GPC5: variants seen among roughly 807,000 people sequenced by gnomAD.
GPC5 encodes glypican 5, also known as glypican-5.
Under a neutral mutation model 53.9 loss-of-function variants are expected in GPC5, and 47 were observed. That is an observed-to-expected ratio of 0.87 (90% CI 0.69 to 1.11). The LOEUF is 1.11. Ranked by LOEUF, GPC5 falls within the 50% of genes most tolerant of loss-of-function variation. The pLI, the probability that GPC5 is intolerant of heterozygous loss-of-function variation, is 0.00. For missense variants in GPC5, 748 were observed against 713.1 expected, an observed-to-expected ratio of 1.05 and a Z score of -0.56; for synonymous variants, 286 against 263.3, an observed-to-expected ratio of 1.09 and a Z score of -0.84.
intron 7 of GPC5, among the ~76,000 whole-genome samples, chr13:92,414,504 C>CAA (rs368737499): frequency 5.8e-4 from 70 of 120,448 alleles, no homozygotes; most frequent in African/African-American, 9.6e-4. Context: ...GACTCTGTCT[C>CAA]AAAAAAAAAA....
chr13:92,630,507 A>T (rs1466698743), intron 7 of GPC5, among the ~76,000 whole-genome samples: 1 of 152,128 alleles, frequency 6.6e-6, no homozygotes, highest in East Asian at 1.9e-4. Flanking sequence ...TTAAGAAAAT[A>T]CTTTCTGACA....
chr13:91,460,055 G>C (rs544942880), intron 2 of GPC5, among the ~76,000 whole-genome samples: 1 of 152,056 alleles, frequency 6.6e-6, no homozygotes, highest in Admixed American at 6.6e-5. Context: ...TGAGAAATTT[G>C]TTTTCACTTT....
intron 7 of GPC5, among the ~76,000 whole-genome samples, chr13:92,571,355 C>A (rs940867382): frequency 6.6e-6 from 1 of 152,120 alleles, no homozygotes; most frequent in Non-Finnish European, 1.5e-5. Context: ...ATGACTTGAA[C>A]AGGATGACAC....
At chr13:92,487,348 A>G (rs955821686) in intron 7 of GPC5, among the ~76,000 whole-genome samples, 14 of 152,300 alleles carry the variant, frequency 9.2e-5, no homozygotes, top group African/African-American at 3.1e-4. Flanking sequence ...ATGGAGCCCT[A>G]TACAACTGTC....
chr13:92,338,330 G>C (rs1257709351), intron 7 of GPC5, among the ~76,000 whole-genome samples: 1 of 152,102 alleles, frequency 6.6e-6, no homozygotes, highest in Non-Finnish European at 1.5e-5. Context: ...AATAATTGTT[G>C]CTGGGAATGC....
chr13:92,301,384 A>G (rs1456303401), intron 7 of GPC5, among the ~76,000 whole-genome samples: 1 of 152,202 alleles, frequency 6.6e-6, no homozygotes, highest in Non-Finnish European at 1.5e-5. Flanking sequence ...TGTAGATGAT[A>G]CTGATGTGTA....
At chr13:92,348,550 G>A (rs1004326412) in intron 7 of GPC5, among the ~76,000 whole-genome samples, 11 of 151,842 alleles carry the variant, frequency 7.2e-5, no homozygotes, top group Admixed American at 2.6e-4. Flanking sequence ...AGAAAACATC[G>A]ACATGAACAA....
intron 7 of GPC5, among the ~76,000 whole-genome samples, chr13:92,547,452 G>A (rs1882158568): frequency 6.6e-6 from 1 of 152,136 alleles, no homozygotes. Context: ...TTAGTCACTG[G>A]AGGCAGATGT....
intron 7 of GPC5, among the ~76,000 whole-genome samples, chr13:92,663,854 CACTATATA>C (rs1312269946): frequency 3.2e-4 from 24 of 75,310 alleles, no homozygotes; most frequent in African/African-American, 1.2e-3. Context: ...TACACACACA[CACTATATA>C]TATATATATA....
chr13:92,060,383 A>G (rs1470407690), intron 6 of GPC5, among the ~76,000 whole-genome samples: 5 of 152,096 alleles, frequency 3.3e-5, no homozygotes, highest in Admixed American at 3.3e-4. Context: ...ATTTTTCCTC[A>G]TATAACCATA....
Position 92,060,171 on chromosome 13 carries a change from A to G in GPC5, c.1402-84659A>G, listed in dbSNP as rs551417347. Among the ~76,000 whole-genome samples, 13 of 152,002 alleles carry G rather than the reference A, an allele frequency of 8.6e-5. 1 individual carries two copies. Among genetic ancestry groups the G allele is most frequent in the Admixed American group, 7.2e-4 (11 of 15,280 alleles). ...TTATTTATTGCTCTTTAAAAGCATC[A>G]AAGTCCTATACAAAGAAGCTTGCGG... On this transcript the variant is annotated intron_variant, in intron 6 of 7. Coordinates refer to ENST00000377067, the MANE Select transcript of GPC5 (RefSeq NM_004466.6).
intron 7 of GPC5, among the ~76,000 whole-genome samples, chr13:92,834,382 T>A (rs1378587079): frequency 6.6e-6 from 1 of 152,140 alleles, no homozygotes; most frequent in Admixed American, 6.5e-5. Flanking sequence ...CCAATGGGTA[T>A]TGTTACACAA....
chr13:92,563,070 C>G (rs1424168717), intron 7 of GPC5, among the ~76,000 whole-genome samples: 2 of 151,914 alleles, frequency 1.3e-5, no homozygotes, highest in Non-Finnish European at 2.9e-5. Flanking sequence ...GGGCAGGTAC[C>G]AATCAATATC....
At chr13:91,543,189 C>T (rs983854621) in intron 2 of GPC5, among the ~76,000 whole-genome samples, 2 of 151,886 alleles carry the variant, frequency 1.3e-5, no homozygotes, top group South Asian at 2.1e-4. Context: ...GACCTGGATT[C>T]TCCATGTTGG....
At chr13:92,217,990 T>C in intron 7 of GPC5, among the ~76,000 whole-genome samples, 1 of 141,120 alleles carries the variant, frequency 7.1e-6, no homozygotes. Context: ...TGATCTTGAC[T>C]CACTTCAGCC....
chr13:92,270,635 C>T (rs1320156904), intron 7 of GPC5, among the ~76,000 whole-genome samples: 1 of 152,140 alleles, frequency 6.6e-6, no homozygotes, highest in African/African-American at 2.4e-5. Flanking sequence ...AATGTGGACT[C>T]TTAAAAATTA....
At chr13:92,673,222 T>C (rs1886814189) in intron 7 of GPC5, among the ~76,000 whole-genome samples, 2 of 152,142 alleles carry the variant, frequency 1.3e-5, no homozygotes, top group African/African-American at 4.8e-5. Flanking sequence ...TAACAAGAGA[T>C]AAATATCTCT....
intron 7 of GPC5, among the ~76,000 whole-genome samples, chr13:92,717,048 C>T (rs545253834): frequency 6.6e-6 from 1 of 151,212 alleles, no homozygotes; most frequent in South Asian, 2.1e-4. Context: ...AAGCCCTGTT[C>T]GAATTCACTC....
At chr13:92,063,406 C>T (rs2041140193) in intron 6 of GPC5, among the ~76,000 whole-genome samples, 1 of 151,994 alleles carries the variant, frequency 6.6e-6, no homozygotes, top group African/African-American at 2.4e-5. Context: ...AAATGACAAA[C>T]TGATTGTCCA....
Sources: allele counts gnomAD v4.1 joint callset (sites outside exome capture counted in the v4.1 genomes callset), GRCh38; gene constraint gnomAD v4.1.1; transcripts MANE v1.5; gene names NCBI Gene and HGNC (gene_info 2026-07-23, HGNC 2026-07-21).